The following TACR3 variants were observed in gnomAD, a reference collection of about 807,000 sequenced individuals.
TACR3 encodes neuromedin-K receptor.
TACR3 carries 34 observed loss-of-function variants against 35.0 expected under a neutral mutation model. The ratio of observed to expected loss-of-function variants is 0.97; its 90% CI spans 0.74 to 1.30. The LOEUF is 1.30. Ranked by LOEUF, TACR3 falls within the 50% of genes most tolerant of loss-of-function variation. The pLI, the probability that TACR3 is intolerant of heterozygous loss-of-function variation, is 0.00. For synonymous variants in TACR3, 233 were observed against 221.1 expected, an observed-to-expected ratio of 1.05 and a Z score of -0.48; for missense variants, 558 against 591.7, an observed-to-expected ratio of 0.94 and a Z score of 0.59.
At chr4:103,591,901 A>C (rs1723905616) in intron 3 of TACR3, among the ~76,000 whole-genome samples, 1 of 152,130 alleles carries the variant, frequency 6.6e-6, no homozygotes, top group African/African-American at 2.4e-5. Context: ...TATCTAAGTG[A>C]ATGGGTAGTG....
intron 3 of TACR3, among the ~76,000 whole-genome samples, chr4:103,611,177 A>T (rs1421152475): frequency 6.6e-6 from 1 of 152,174 alleles, no homozygotes; most frequent in South Asian, 2.1e-4. Flanking sequence ...TGGTATTCTG[A>T]TAGGGATTGA....
intron 3 of TACR3, among the ~76,000 whole-genome samples, chr4:103,622,169 A>G (rs1389386341): frequency 6.6e-6 from 1 of 152,242 alleles, no homozygotes; most frequent in Non-Finnish European, 1.5e-5. Context: ...TTTAGGAACA[A>G]AGAAGTCAAA....
At chr4:103,637,390 C>T (rs192996946) in intron 3 of TACR3, among the ~76,000 whole-genome samples, 1 of 151,996 alleles carries the variant, frequency 6.6e-6, no homozygotes, top group East Asian at 1.9e-4. Flanking sequence ...ATTCAGCAAC[C>T]CTTCATGCTA....
At chr4:103,677,941 A>AG (rs1726207376) in intron 1 of TACR3, among the ~76,000 whole-genome samples, 1 of 151,998 alleles carries the variant, frequency 6.6e-6, no homozygotes, top group African/African-American at 2.4e-5. Context: ...GAAAAAAAAA[A>AG]GCATATGCCA....
At position 103,719,964 on chromosome 4, in the gene TACR3, G is replaced by T; in HGVS notation, c.-289C>A. The T allele has an allele frequency of 1.9e-6, 1 of 537,322 alleles. No homozygotes were observed. Among genetic ancestry groups the T allele is most frequent in the Admixed American group, 3.1e-5 (1 of 31,850 alleles). 33.3% of individuals were successfully genotyped at this position (537,322 alleles called of 1,614,324 possible). On this transcript the variant is annotated 5_prime_UTR_variant, in exon 1 of 5. Coordinates refer to ENST00000304883, the MANE Select transcript of TACR3 (RefSeq NM_001059.3). ...ATCACACGTAGGGAGGGTGCCAGCT[G>T]CCCGGCACAGGCTGGAGAACTGAGC...
intron 1 of TACR3, among the ~76,000 whole-genome samples, chr4:103,665,182 T>C (rs1390231666): frequency 6.6e-6 from 1 of 151,972 alleles, no homozygotes; most frequent in African/African-American, 2.4e-5. Flanking sequence ...TCTTAATAAA[T>C]TTCAAAGTGA....
At chr4:103,668,107 C>T (rs1194493284) in intron 1 of TACR3, among the ~76,000 whole-genome samples, 1 of 152,158 alleles carries the variant, frequency 6.6e-6, no homozygotes, top group African/African-American at 2.4e-5. Context: ...GGTGAATCAC[C>T]ACACCTGGCC....
chr4:103,709,203 G>T (rs140692150), intron 1 of TACR3, among the ~76,000 whole-genome samples: 2 of 152,074 alleles, frequency 1.3e-5, no homozygotes, highest in African/African-American at 4.8e-5. Flanking sequence ...ACGCATAATC[G>T]TCAGATTCAC....
intron 2 of TACR3, among the ~76,000 whole-genome samples, chr4:103,657,869 C>T (rs963646894): frequency 6.6e-6 from 1 of 152,124 alleles, no homozygotes; most frequent in African/African-American, 2.4e-5. Flanking sequence ...AAAGAGCAAT[C>T]AACACATTTG....
chr4:103,664,128 A>G (rs910494271), intron 1 of TACR3, among the ~76,000 whole-genome samples: 1 of 152,214 alleles, frequency 6.6e-6, no homozygotes, highest in Admixed American at 6.5e-5. Flanking sequence ...CCTTTATAGA[A>G]GCTGAAATTC....
At chr4:103,606,081 A>C (rs984388794) in intron 3 of TACR3, among the ~76,000 whole-genome samples, 1 of 151,944 alleles carries the variant, frequency 6.6e-6, no homozygotes, top group Non-Finnish European at 1.5e-5. Flanking sequence ...TTAAATAGGG[A>C]ATCCTTTCCC....
intron 3 of TACR3, among the ~76,000 whole-genome samples, chr4:103,627,496 C>G (rs1322164779): frequency 6.6e-6 from 1 of 151,738 alleles, no homozygotes; most frequent in Non-Finnish European, 1.5e-5. Flanking sequence ...GGCACTCCAG[C>G]CTGGGCGATA....
intron 1 of TACR3, among the ~76,000 whole-genome samples, chr4:103,686,872 G>A (rs112941236): frequency 0.038 from 5,731 of 152,182 alleles, 126 homozygotes; most frequent in Non-Finnish European, 0.05. Context: ...TAGAAAAAGA[G>A]GGAATCCTCC....
At chr4:103,693,686 T>C (rs747247622) in intron 1 of TACR3, among the ~76,000 whole-genome samples, 2 of 152,124 alleles carry the variant, frequency 1.3e-5, no homozygotes, top group Non-Finnish European at 2.9e-5. Flanking sequence ...CATTTAATCA[T>C]AAATACTTAA....
intron 1 of TACR3, among the ~76,000 whole-genome samples, chr4:103,686,523 A>T (rs1334421824): frequency 6.6e-6 from 1 of 152,184 alleles, no homozygotes; most frequent in Non-Finnish European, 1.5e-5. Flanking sequence ...AATAAACAAC[A>T]AACAAGAAAT....
At chr4:103,689,832 A>T (rs1229984736) in intron 1 of TACR3, among the ~76,000 whole-genome samples, 1 of 152,148 alleles carries the variant, frequency 6.6e-6, no homozygotes, top group Non-Finnish European at 1.5e-5. Flanking sequence ...TAATCCACAA[A>T]TATCAAAAGC....
chr4:103,593,876 G>C (rs1026591681), intron 3 of TACR3, among the ~76,000 whole-genome samples: 3 of 152,064 alleles, frequency 2.0e-5, no homozygotes, highest in African/African-American at 7.2e-5. Context: ...CCTGATGCTG[G>C]ACTACAAAAG....
At chr4:103,629,624 C>T (rs559750258) in intron 3 of TACR3, among the ~76,000 whole-genome samples, 28 of 152,110 alleles carry the variant, frequency 1.8e-4, no homozygotes, top group African/African-American at 6.8e-4. Context: ...CAAACCACTG[C>T]TCAATGAAAT....
At chr4:103,606,918 T>C (rs1724385311) in intron 3 of TACR3, among the ~76,000 whole-genome samples, 2 of 152,280 alleles carry the variant, frequency 1.3e-5, no homozygotes, top group Admixed American at 1.3e-4. Context: ...AAGGGAATGC[T>C]TCCAGTTTTT....
Sources: gnomAD v4.1 joint callset for allele counts (sites outside exome capture counted in the v4.1 genomes callset) on GRCh38, gnomAD v4.1.1 for gene constraint, MANE v1.5 for transcripts, NCBI Gene and HGNC (gene_info 2026-07-23, HGNC 2026-07-21) for gene names.